The following GATAD2B variants were observed in gnomAD, a reference collection of about 807,000 sequenced individuals.
GATAD2B encodes the protein transcriptional repressor p66-beta.
In GATAD2B, 8 loss-of-function variants were observed where a neutral mutation model predicts 64.3. The ratio of observed to expected loss-of-function variants is 0.12; its 90% CI spans 0.07 to 0.22. GATAD2B has a LOEUF of 0.22. GATAD2B is among the 10% of genes least tolerant of loss of function. GATAD2B has a pLI of 1.00. For missense variants in GATAD2B, 453 were observed against 752.0 expected, an observed-to-expected ratio of 0.60 and a Z score of 4.65; for synonymous variants, 281 against 271.3, an observed-to-expected ratio of 1.04 and a Z score of -0.35.
intron 1 of GATAD2B, among the ~76,000 whole-genome samples, chr1:153,869,341 C>T (rs757860469): frequency 6.0e-5 from 9 of 150,332 alleles, no homozygotes; most frequent in South Asian, 2.1e-4. Flanking sequence ...GTAGTATTTG[C>T]CTAATGTTTC....
At chr1:153,813,223 T>C (rs771136697) in intron 8 of GATAD2B, 27 bp downstream of exon 8, 8 of 1,587,890 alleles carry the variant, frequency 5.0e-6, no homozygotes, top group Non-Finnish European at 6.9e-6. Context: ...CTGGGACAGG[T>C]GGCCAGTGAG....
At chr1:153,862,435 A>G (rs961047597) in intron 1 of GATAD2B, among the ~76,000 whole-genome samples, 4 of 151,924 alleles carry the variant, frequency 2.6e-5, no homozygotes, top group Non-Finnish European at 5.9e-5. Context: ...TACATACATT[A>G]TATCTTATGT....
At position 153,810,069 on chromosome 1, in the gene GATAD2B, C is replaced by A. The variant is rs964844455; in HGVS notation, c.*108G>T. ...TCTTCTGTTTTTCTGTTTTGCTTTCCGTGTATGGTAGGCACCAGTACAGGC... is the reference window on the plus strand; with the variant it reads ...TCTTCTGTTTTTCTGTTTTGCTTTCAGTGTATGGTAGGCACCAGTACAGGC... On this transcript the variant is annotated 3_prime_UTR_variant, in exon 11 of 11. Coordinates refer to ENST00000368655, the MANE Select transcript of GATAD2B (RefSeq NM_020699.4). 1.2e-5 allele frequency: 13 copies of A among 1,084,412 alleles called. No homozygotes were observed. In the East Asian group the frequency reaches 3.6e-4, roughly 30 times the overall value. The allele number at this position is 1,084,412 out of a possible 1,614,324, so 67.2% of individuals were successfully genotyped here. A position where few individuals can be genotyped will look rare whatever the true frequency, so the allele number is the denominator to read the frequency against.
chr1:153,868,738 C>CTT (rs1269590974), intron 1 of GATAD2B, among the ~76,000 whole-genome samples: 2,086 of 139,180 alleles, frequency 0.015, 58 homozygotes, highest in African/African-American at 0.052. Context: ...ATACTATATA[C>CTT]TTTTTTTTTT....
chr1:153,861,781 C>CAAAAAAAAAAAAAAAAAAA (rs869141712), intron 1 of GATAD2B, among the ~76,000 whole-genome samples: 7 of 85,720 alleles, frequency 8.2e-5, no homozygotes, highest in East Asian at 4.8e-4. Flanking sequence ...GACTCCATTT[C>CAAAAAAAAAAAAAAAAAAA]AAAAAAAAAA....
chr1:153,856,292 G>T (rs956407633), intron 1 of GATAD2B, among the ~76,000 whole-genome samples: 1 of 152,162 alleles, frequency 6.6e-6, no homozygotes, highest in Non-Finnish European at 1.5e-5. Context: ...ATGGGGGCTG[G>T]AGTATAGACA....
chr1:153,815,080 T>A (rs1450017279), intron 7 of GATAD2B, among the ~76,000 whole-genome samples: 1 of 13,278 alleles, frequency 7.5e-5, no homozygotes. Context: ...AGACTCTGTC[T>A]CAAAAAAAAA....
intron 1 of GATAD2B, among the ~76,000 whole-genome samples, chr1:153,875,266 G>A (rs139378787): frequency 6.6e-6 from 1 of 151,996 alleles, no homozygotes; most frequent in Non-Finnish European, 1.5e-5. Flanking sequence ...ATTAGACCAG[G>A]GGCATCCAAC....
intron 1 of GATAD2B, among the ~76,000 whole-genome samples, chr1:153,897,309 G>A (rs550623406): frequency 2.0e-5 from 3 of 152,224 alleles, no homozygotes; most frequent in African/African-American, 7.2e-5. Flanking sequence ...GATTACAGGC[G>A]TGAGCCACTG....
intron 1 of GATAD2B, among the ~76,000 whole-genome samples, chr1:153,842,412 C>T (rs1393710868): frequency 6.6e-6 from 1 of 152,138 alleles, no homozygotes; most frequent in Non-Finnish European, 1.5e-5. Flanking sequence ...TTTAGTGAGA[C>T]AAAACATTAG....
At chr1:153,876,153 G>A (rs1027296946) in intron 1 of GATAD2B, among the ~76,000 whole-genome samples, 2 of 145,866 alleles carry the variant, frequency 1.4e-5, no homozygotes, top group African/African-American at 5.1e-5. Flanking sequence ...GCTTGAACCC[G>A]GGAGGCGGAG....
rs869141712 is a variant in GATAD2B, at chr1:153,861,781, C to CAAAAA, written c.-1-33438_-1-33434dup. ...TGGGCAACAGAGCGAGACTCCATTT[C>CAAAAA]AAAAAAAAAAAAAAATATATATATA... On this transcript the variant is annotated intron_variant, in intron 1 of 10. Coordinates refer to ENST00000368655, the MANE Select transcript of GATAD2B (RefSeq NM_020699.4). Among the ~76,000 whole-genome samples, 166 of 85,662 alleles carry CAAAAA rather than the reference C, an allele frequency of 1.9e-3. 2 individuals are homozygous for CAAAAA. Among genetic ancestry groups the CAAAAA allele is most frequent in the African/African-American group, 6.6e-3 (155 of 23,322 alleles). 56.2% of individuals were successfully genotyped at this position (85,662 alleles called of 152,430 possible).
intron 3 of GATAD2B, among the ~76,000 whole-genome samples, chr1:153,819,177 T>A (rs1674587083): frequency 6.6e-6 from 1 of 152,202 alleles, no homozygotes; most frequent in Admixed American, 6.5e-5. Context: ...AAAAGAAGAA[T>A]GACTAAAGAG....
rs1571012961 is a variant in GATAD2B at position 153,917,323 on chromosome 1, C to T, written c.-2+5410G>A. ...ATCTCGGCCAGGCTGGTCTTGAACT[C>T]CTGACCTCATGATACACCCGCCTCG... is the stretch of plus-strand genomic sequence containing the variant. On this transcript the variant is annotated intron_variant, in intron 1 of 10. Coordinates refer to ENST00000368655, the MANE Select transcript of GATAD2B (RefSeq NM_020699.4). 2.6e-5 allele frequency among the ~76,000 whole-genome samples: 4 copies of T among 151,820 alleles called. 1 individual carries two copies. The South Asian group carries it at 8.3e-4, about 32-fold the overall frequency.
chr1:153,889,393 C>A (rs1358154161), intron 1 of GATAD2B, among the ~76,000 whole-genome samples: 1 of 98,594 alleles, frequency 1.0e-5, no homozygotes, highest in Non-Finnish European at 1.8e-5. Context: ...GCCTGGGCAA[C>A]AAGAGCGAAA....
chr1:153,886,895 C>G (rs1175186930), intron 1 of GATAD2B, among the ~76,000 whole-genome samples: 1 of 151,964 alleles, frequency 6.6e-6, no homozygotes, highest in Non-Finnish European at 1.5e-5. Context: ...CAACATTATG[C>G]TGAAACATGG....
At chr1:153,893,348 T>C (rs1677480611) in intron 1 of GATAD2B, among the ~76,000 whole-genome samples, 1 of 152,190 alleles carries the variant, frequency 6.6e-6, no homozygotes, top group South Asian at 2.1e-4. Flanking sequence ...GGCTCACATC[T>C]GTAATCCCAG....
chr1:153,848,959 C>CA (rs1320376482), intron 1 of GATAD2B, among the ~76,000 whole-genome samples: 1 of 143,796 alleles, frequency 7.0e-6, no homozygotes, highest in Non-Finnish European at 1.5e-5. Context: ...CAAAACAAAG[C>CA]AAAAAACAAA....
intron 1 of GATAD2B, among the ~76,000 whole-genome samples, chr1:153,878,348 C>CA (rs1400312331): frequency 6.6e-6 from 1 of 151,788 alleles, no homozygotes; most frequent in Non-Finnish European, 1.5e-5. Flanking sequence ...AGGCTGGTCT[C>CA]AAACTCCTGA....
Sources: allele counts gnomAD v4.1 joint callset (sites outside exome capture counted in the v4.1 genomes callset), GRCh38; gene constraint gnomAD v4.1.1; transcripts MANE v1.5; gene names NCBI Gene and HGNC (gene_info 2026-07-23, HGNC 2026-07-21).